Variants in SIDT1 observed in about 807,000 individuals in gnomAD.
SIDT1 encodes SID1 transmembrane family, member 1.
SIDT1 carries 101 observed loss-of-function variants against 107.5 expected under a neutral mutation model. The ratio of observed to expected loss-of-function variants is 0.94; its 90% CI spans 0.80 to 1.11. SIDT1 has a LOEUF of 1.11. Ranked by LOEUF, SIDT1 falls within the 50% of genes least tolerant of loss-of-function variation. SIDT1 has a pLI of 0.00. For synonymous variants in SIDT1, 395 were observed against 398.2 expected, an observed-to-expected ratio of 0.99 and a Z score of 0.10; for missense variants, 1,076 against 1,058.2, an observed-to-expected ratio of 1.02 and a Z score of -0.23.
chr3:113,563,665 T>C (rs1941641890), intron 1 of SIDT1, among the ~76,000 whole-genome samples: 2 of 152,200 alleles, frequency 1.3e-5, no homozygotes, highest in South Asian at 4.1e-4. Context: ...GAGAGAGAAG[T>C]ACCCTTTACA....
intron 23 of SIDT1, among the ~76,000 whole-genome samples, chr3:113,625,720 C>A (rs1332215100): frequency 2.0e-5 from 3 of 152,182 alleles, no homozygotes; most frequent in African/African-American, 4.8e-5. Flanking sequence ...CTATTCAGAT[C>A]TTTTGCCCAT....
Position 113,608,427 on chromosome 3 carries a change from G to T in SIDT1, c.1611G>T (p.Gly537=). Residue 537 remains glycine, a synonymous_variant, in exon 17 of 25, where the codon GGG becomes GGT. Coordinates refer to ENST00000264852, the MANE Select transcript of SIDT1 (RefSeq NM_017699.3). The part of the protein sequence containing the change: ...EAKDIFAVEY[G]IPKHFGLFYA... ...CCTTTCTCCTTTTTCAGGAGTACGGGATTCCCAAACACTTTGGTCTCTTCT... is the reference window on the plus strand; with the variant it reads ...CCTTTCTCCTTTTTCAGGAGTACGGTATTCCCAAACACTTTGGTCTCTTCT... 6.2e-7 allele frequency: 1 copy of T among 1,612,462 alleles called. No homozygotes were observed. Among genetic ancestry groups the T allele is most frequent in the Non-Finnish European group, 8.5e-7 (1 of 1,178,488 alleles).
At chr3:113,582,367 G>T (rs1305980327) in intron 6 of SIDT1, among the ~76,000 whole-genome samples, 2 of 152,160 alleles carry the variant, frequency 1.3e-5, no homozygotes, top group African/African-American at 2.4e-5. Context: ...AGAATGAAGA[G>T]AAGTTAATTA....
chr3:113,626,130 AC>A lies in SIDT1; in HGVS notation c.2338del (p.Arg780AlafsTer31), dbSNP rs1345708813. 3 of 1,613,988 alleles carry A rather than the reference AC, an allele frequency of 1.9e-6. No individual in the cohort carries two copies. Among genetic ancestry groups the A allele is most frequent in the Non-Finnish European group, 2.5e-6 (3 of 1,179,958 alleles). On this transcript the variant is annotated frameshift_variant, in exon 24 of 25. Coordinates refer to ENST00000264852, the MANE Select transcript of SIDT1 (RefSeq NM_017699.3). LOFTEE classifies it high-confidence loss of function. ...EGTPAESREK[N>X]RECILLDFFD... ...ACTCCGGCCGAATCCCGGGAGAAGA[AC>A]CGCGAGTGCATTCTGCTGGATTTCT...
At chr3:113,563,685 A>T (rs2107319670) in intron 1 of SIDT1, among the ~76,000 whole-genome samples, 1 of 152,296 alleles carries the variant, frequency 6.6e-6, no homozygotes, top group Admixed American at 6.5e-5. Context: ...ATTAAAAGAG[A>T]CTCAAAAGAC....
intron 1 of SIDT1, among the ~76,000 whole-genome samples, chr3:113,560,991 C>T (rs1020616960): frequency 6.6e-6 from 1 of 152,112 alleles, no homozygotes; most frequent in Non-Finnish European, 1.5e-5. Flanking sequence ...GTAGTAAACA[C>T]AGGAAACAGA....
chr3:113,572,286 A>G (rs1024163999), intron 3 of SIDT1, among the ~76,000 whole-genome samples: 1 of 152,222 alleles, frequency 6.6e-6, no homozygotes. Context: ...GTATACTAAC[A>G]TGACACTTAG....
intron 24 of SIDT1, among the ~76,000 whole-genome samples, chr3:113,626,434 C>G (rs1221844856): frequency 1.3e-5 from 2 of 152,034 alleles, no homozygotes; most frequent in African/African-American, 4.8e-5. Flanking sequence ...TCTTTAGACA[C>G]AGAGGGACAA....
At chr3:113,620,192 A>ATATGTGTGTGTG (rs111631190) in intron 21 of SIDT1, among the ~76,000 whole-genome samples, 2 of 144,552 alleles carry the variant, frequency 1.4e-5, no homozygotes, top group East Asian at 4.1e-4. Context: ...CTTTTACTAA[A>ATATGTGTGTGTG]TGTGTGTGTG....
At chr3:113,569,083 G>C (rs1227382324) in intron 3 of SIDT1, among the ~76,000 whole-genome samples, 1 of 144,446 alleles carries the variant, frequency 6.9e-6, no homozygotes. Flanking sequence ...AGGTTGCAGT[G>C]AGCCGAGATC....
chr3:113,580,823 A>T (rs772377406), intron 5 of SIDT1, 114 bp downstream of exon 5: 67 of 703,652 alleles, frequency 9.5e-5, no homozygotes, highest in Non-Finnish European at 1.6e-4. Context: ...CCCTTCCAAA[A>T]CTACTAAACA....
rs1427558974 is a variant in SIDT1 at position 113,626,222 on chromosome 3, T to A, written c.2421+7T>A. 1 of 1,567,518 alleles carries A rather than the reference T, an allele frequency of 6.4e-7. No homozygotes were observed. The highest frequency in any genetic ancestry group is 8.8e-7 in the Non-Finnish European group (1 of 1,137,596). ...TCTGTTTTTCTCATTCTTGGTGAGTTCATATCTATCTTTTTGTGACTTTCT... is the reference window on the plus strand; with the variant it reads ...TCTGTTTTTCTCATTCTTGGTGAGTACATATCTATCTTTTTGTGACTTTCT... On this transcript the variant is annotated splice_region_variant and intron_variant, in intron 24 of 24. Transcript: ENST00000264852.
At chr3:113,547,219 C>T (rs1018567810) in intron 1 of SIDT1, among the ~76,000 whole-genome samples, 6 of 151,802 alleles carry the variant, frequency 4.0e-5, no homozygotes, top group African/African-American at 1.5e-4. Flanking sequence ...TCACACTATC[C>T]CCAGAAATAC....
At chr3:113,599,185 T>C (rs1290205356) in intron 10 of SIDT1, among the ~76,000 whole-genome samples, 1 of 152,084 alleles carries the variant, frequency 6.6e-6, no homozygotes, top group Admixed American at 6.5e-5. Flanking sequence ...ATGTGAAAGA[T>C]ACTGAGGGGA....
chr3:113,567,452 C>A, intron 2 of SIDT1, 88 bp from the exon 3 acceptor site: 1 of 1,123,854 alleles, frequency 8.9e-7, no homozygotes, highest in Non-Finnish European at 1.3e-6. Context: ...TGGAGAGAAG[C>A]AAAATGAGAT....
In SIDT1 at chr3:113,585,223, G is replaced by A; in HGVS notation, c.954G>A (p.Leu318=). 6.2e-7 allele frequency: 1 copy of A among 1,613,596 alleles called. No homozygotes were observed. Among genetic ancestry groups the A allele is most frequent in the East Asian group, 2.2e-5 (1 of 44,876 alleles). ...GTCTTTTCAGTGTCTTCATCTTCCT[G>A]TCCTTCTACTTGGGATGCCTTCTTG... is the stretch of plus-strand genomic sequence containing the variant. ...KSSLFSVFIF[L]SFYLGCLLVG... Residue 318 remains leucine (L), a synonymous_variant, in exon 9 of 25, where the codon CTG becomes CTA. Coordinates refer to ENST00000264852, the MANE Select transcript of SIDT1 (RefSeq NM_017699.3).
At chr3:113,634,122 A>G (rs1947109449), downstream of SIDT1, among the ~76,000 whole-genome samples, 2 of 152,176 alleles carry the variant, frequency 1.3e-5, no homozygotes, top group Admixed American at 1.3e-4. Context: ...AGAGATCTAG[A>G]GAGAAGGATA....
At chr3:113,571,486 G>GCGCACACACA (rs1553789357) in intron 3 of SIDT1, among the ~76,000 whole-genome samples, 8 of 148,852 alleles carry the variant, frequency 5.4e-5, no homozygotes, top group African/African-American at 2.0e-4. Flanking sequence ...CCTATCCTCT[G>GCGCACACACA]CACACACACA....
chr3:113,604,925 T>C lies in SIDT1; in HGVS notation c.1353T>C (p.Ile451=), dbSNP rs73857003. Residue 451 remains isoleucine, a synonymous_variant, in exon 14 of 25, where the codon ATT becomes ATC. Coordinates refer to ENST00000264852, the MANE Select transcript of SIDT1 (RefSeq NM_017699.3). ...YKIYFWNIIT[I]AVFYALPVIQ... ...GCCTGCATAGGAACATCATCACCAT[T>C]GCTGTGTTTTACGCGCTGCCCGTGA... is the stretch of plus-strand genomic sequence containing the variant. 2.5e-3 allele frequency: 4,073 copies of C among 1,614,076 alleles called. 87 individuals are homozygous for C. In the African/African-American group the frequency reaches 0.044, roughly 17 times the overall value.
Sources: allele counts gnomAD v4.1 joint callset (sites outside exome capture counted in the v4.1 genomes callset), GRCh38; gene constraint gnomAD v4.1.1; transcripts MANE v1.5; gene names NCBI Gene and HGNC (gene_info 2026-07-23, HGNC 2026-07-21).